The following PLA2R1 variants were observed in gnomAD, a reference collection of about 807,000 sequenced individuals.
PLA2R1 encodes secretory phospholipase A2 receptor.
PLA2R1 carries 158 observed loss-of-function variants against 195.9 expected under a neutral mutation model. The observed-to-expected ratio is 0.81, with a 90% CI of 0.71 to 0.92. PLA2R1 has a LOEUF of 0.92. Ranked by LOEUF, PLA2R1 falls within the 40% of genes least tolerant of loss-of-function variation. The pLI, the probability that PLA2R1 is intolerant of heterozygous loss-of-function variation, is 0.00. For missense variants in PLA2R1, 1,626 were observed against 1,764.6 expected, an observed-to-expected ratio of 0.92 and a Z score of 1.41; for synonymous variants, 586 against 598.2, an observed-to-expected ratio of 0.98 and a Z score of 0.30.
intron 1 of PLA2R1, among the ~76,000 whole-genome samples, chr2:160,049,885 C>T (rs966248193): frequency 8.6e-5 from 13 of 152,010 alleles, no homozygotes; most frequent in African/African-American, 2.9e-4. Flanking sequence ...CAAGTGATAA[C>T]ACTTACAAGT....
intron 20 of PLA2R1, among the ~76,000 whole-genome samples, chr2:159,960,226 C>T (rs749697247): frequency 6.6e-6 from 1 of 152,150 alleles, no homozygotes; most frequent in Non-Finnish European, 1.5e-5. Flanking sequence ...ATGTTCCCTG[C>T]CTTTCTGACC....
intron 10 of PLA2R1, 69 bp from the exon 11 acceptor site, chr2:160,005,890 A>T: frequency 9.4e-7 from 1 of 1,065,108 alleles, no homozygotes; most frequent in Non-Finnish European, 1.4e-6. Context: ...TTAAAGCATA[A>T]TGAAGTGCAC....
intron 11 of PLA2R1, among the ~76,000 whole-genome samples, chr2:160,002,569 GGTTAGTTTGT>G (rs1691676891): frequency 6.6e-6 from 1 of 151,894 alleles, no homozygotes; most frequent in South Asian, 2.1e-4. Flanking sequence ...ACCACTCAAA[GGTTAGTTTGT>G]GTACCTGCAA....
At chr2:159,973,317 C>T (rs900623017) in intron 17 of PLA2R1, among the ~76,000 whole-genome samples, 3 of 152,078 alleles carry the variant, frequency 2.0e-5, no homozygotes, top group African/African-American at 7.2e-5. Flanking sequence ...TTTTGGAAAG[C>T]AACAGCTTTC....
In PLA2R1 at chr2:159,955,296, G is replaced by C; in HGVS notation, c.3204C>G (p.Ala1068=). ...GAAAATTAGGATTACTTGAGAGTAA[G>C]GCACAGAGAGGAATGTGTTTCTGAA... ...TEVQKHIPLC[A]LLSSNPNFHF... Residue 1068 remains alanine (A), a synonymous_variant, in exon 23 of 30, where the codon GCC becomes GCG. Transcript: ENST00000283243. 6.2e-7 allele frequency: 1 copy of C among 1,603,628 alleles called. No homozygotes were observed. The highest frequency in any genetic ancestry group is 8.5e-7 in the Non-Finnish European group (1 of 1,171,296).
chr2:160,004,140 A>G (rs1025394707), intron 11 of PLA2R1, among the ~76,000 whole-genome samples: 4 of 152,226 alleles, frequency 2.6e-5, no homozygotes, highest in African/African-American at 7.2e-5. Context: ...GTAACGGAGT[A>G]CTTCCACATT....
chr2:160,024,479 C>T (rs947035577), intron 6 of PLA2R1, among the ~76,000 whole-genome samples: 4 of 152,140 alleles, frequency 2.6e-5, no homozygotes, highest in South Asian at 4.2e-4. Context: ...TGAAGTGGCA[C>T]CCTGCCTCCC....
chr2:160,038,676 G>A (rs1385842081), intron 3 of PLA2R1, among the ~76,000 whole-genome samples: 1 of 152,176 alleles, frequency 6.6e-6, no homozygotes, highest in Non-Finnish European at 1.5e-5. Flanking sequence ...CAAATAATGA[G>A]AATCAGAAAG....
rs548495758 is a variant in PLA2R1 at position 159,936,420 on chromosome 2, G to A, written c.*5358C>T. 1 of 152,190 alleles carries A rather than the reference G, an allele frequency of 6.6e-6. No individual in the cohort carries two copies. Among genetic ancestry groups the A allele is most frequent in the East Asian group, 1.9e-4 (1 of 5,186 alleles). The allele number at this position is 152,190 out of a possible 1,614,324, so 9.4% of individuals were successfully genotyped here. On this transcript the variant is annotated 3_prime_UTR_variant, in exon 30 of 30. Coordinates refer to ENST00000283243, the MANE Select transcript of PLA2R1 (RefSeq NM_007366.5). The stretch of plus-strand genomic sequence containing the variant: ...ATGTCAAACTAAAATGATAGCAAAT[G>A]GATCTGTTAATGAAATGGATATATC...
At chr2:160,032,624 A>G (rs2105525327) in intron 4 of PLA2R1, among the ~76,000 whole-genome samples, 1 of 152,348 alleles carries the variant, frequency 6.6e-6, no homozygotes, top group Admixed American at 6.5e-5. Flanking sequence ...ATTAATGGAA[A>G]TGGAATGGCT....
At chr2:160,040,338 G>C (rs1694448750) in intron 3 of PLA2R1, among the ~76,000 whole-genome samples, 1 of 152,104 alleles carries the variant, frequency 6.6e-6, no homozygotes, top group Non-Finnish European at 1.5e-5. Context: ...AATATCAGCA[G>C]AGAGCCTCTG....
chr2:159,991,510 T>C (rs1485190910), intron 11 of PLA2R1, among the ~76,000 whole-genome samples: 1 of 151,550 alleles, frequency 6.6e-6, no homozygotes, highest in Admixed American at 6.6e-5. Flanking sequence ...CTGTGCACAT[T>C]GTACAGGTTA....
intron 20 of PLA2R1, among the ~76,000 whole-genome samples, chr2:159,961,204 C>T (rs1688416554): frequency 6.6e-6 from 1 of 152,144 alleles, no homozygotes; most frequent in African/African-American, 2.4e-5. Context: ...GGAGAAGGCA[C>T]TGTGGGTGGG....
Position 159,939,608 on chromosome 2 carries a change from A to C in PLA2R1, c.*2170T>G, listed in dbSNP as rs566763275. On this transcript the variant is annotated 3_prime_UTR_variant, in exon 30 of 30. Transcript: ENST00000283243. ...TTTCTGCAAATTCAGTAATGGCAAG[A>C]AGTGTGTGATCTGTCCATGGGTCCA... is the stretch of plus-strand genomic sequence containing the variant. 6.6e-6 allele frequency: 1 copy of C among 152,322 alleles called. No individual in the cohort carries two copies. The highest frequency in any genetic ancestry group is 2.4e-5 in the African/African-American group (1 of 41,570). The allele number at this position is 152,322 out of a possible 1,614,324, so 9.4% of individuals were successfully genotyped here. A position where few individuals can be genotyped will look rare whatever the true frequency, so the allele number is the denominator to read the frequency against.
intron 1 of PLA2R1, among the ~76,000 whole-genome samples, chr2:160,061,723 C>T (rs568858127): frequency 6.6e-6 from 1 of 152,024 alleles, no homozygotes; most frequent in Non-Finnish European, 1.5e-5. Flanking sequence ...TGCAGTGAGC[C>T]GAGATCCCGC....
Position 159,944,406 on chromosome 2 carries a change from GTTTTT to G in PLA2R1, c.4144+495_4144+499del, listed in dbSNP as rs576881198. Among the ~76,000 whole-genome samples, 3 of 151,802 alleles carry G rather than the reference GTTTTT, an allele frequency of 2.0e-5. No homozygotes were observed. In the South Asian group the frequency reaches 6.2e-4, roughly 32 times the overall value. On this transcript the variant is annotated intron_variant, in intron 28 of 29. Coordinates refer to ENST00000283243, the MANE Select transcript of PLA2R1 (RefSeq NM_007366.5). ...TCTAGCTTAGATTTCTAAAATTATTGTTTTTTTTAATTACTAAACACTAAGTATGT... is the reference window on the plus strand; with the variant it reads ...TCTAGCTTAGATTTCTAAAATTATTGTTTAATTACTAAACACTAAGTATGT...
chr2:159,993,290 C>T (rs1211991320), intron 11 of PLA2R1, among the ~76,000 whole-genome samples: 2 of 151,942 alleles, frequency 1.3e-5, no homozygotes, highest in Admixed American at 6.6e-5. Flanking sequence ...CAGAGAGTCC[C>T]TTTGTTGTTG....
At position 160,033,117 on chromosome 2, in the gene PLA2R1, C is replaced by T. The variant is rs1310400396; in HGVS notation, c.683G>A (p.Gly228Asp). The change falls in exon 4 of 30, where the codon GGT becomes GAT. Residue 228 changes from glycine (G) to aspartate (D), a missense_variant. Gly to Asp is a moderately conservative substitution (Grantham distance 94). Coordinates refer to ENST00000283243, the MANE Select transcript of PLA2R1 (RefSeq NM_007366.5). ...FCPDPTSAEV[G>D]CDTIWEKDLN... ...GTCCTTCTCCCAAATAGTATCACAACCTACTTCTGCAGAGGCTGGAAACAA... is the reference window on the plus strand; with the variant it reads ...GTCCTTCTCCCAAATAGTATCACAATCTACTTCTGCAGAGGCTGGAAACAA... 2.5e-6 allele frequency: 4 copies of T among 1,611,220 alleles called. No homozygotes were observed. The highest frequency in any genetic ancestry group is 8.5e-7 in the Non-Finnish European group (1 of 1,178,964).
At chr2:160,021,255 T>C (rs1693090412) in intron 7 of PLA2R1, among the ~76,000 whole-genome samples, 1 of 151,978 alleles carries the variant, frequency 6.6e-6, no homozygotes, top group South Asian at 2.1e-4. Context: ...TACCTTTCAA[T>C]CCAGCAATCC....
Sources: allele counts gnomAD v4.1 joint callset (sites outside exome capture counted in the v4.1 genomes callset), GRCh38; gene constraint gnomAD v4.1.1; transcripts MANE v1.5; gene names NCBI Gene and HGNC (gene_info 2026-07-23, HGNC 2026-07-21).